The following ENAH variants were observed in gnomAD, a reference collection of about 807,000 sequenced individuals.
The protein encoded by ENAH is ENAH actin regulator.
In ENAH, 23 loss-of-function variants were observed where a neutral mutation model predicts 78.7. That is an observed-to-expected ratio of 0.29 (90% confidence interval 0.21 to 0.41). The LOEUF is 0.41. ENAH is among the 10% of genes least tolerant of loss of function. The pLI, the probability that ENAH is intolerant of heterozygous loss-of-function variation, is 1.00. For missense variants in ENAH, 544 were observed against 691.0 expected (o/e 0.79, Z 2.39); for synonymous variants, 226 against 241.0 (o/e 0.94, Z 0.58).
At chr1:225,640,727 G>A (rs1247349332) in intron 1 of ENAH, among the ~76,000 whole-genome samples, 1 of 152,046 alleles carries the variant, frequency 6.6e-6, no homozygotes, top group East Asian at 1.9e-4. Flanking sequence ...AGTGTTAAAT[G>A]AGTTAATAAA....
chr1:225,555,519 T>TA (rs1466775361), intron 2 of ENAH, among the ~76,000 whole-genome samples: 2 of 150,720 alleles, frequency 1.3e-5, no homozygotes, highest in Non-Finnish European at 2.9e-5. Flanking sequence ...GAGGCAGAGT[T>TA]AGCAGGGAGC....
chr1:225,587,037 G>C (rs184165821), intron 1 of ENAH, among the ~76,000 whole-genome samples: 2 of 152,142 alleles, frequency 1.3e-5, no homozygotes, highest in African/African-American at 4.8e-5. Flanking sequence ...AGGAAGAGAA[G>C]TGATTTCCCC....
chr1:225,650,139 G>A (rs1443607087), intron 1 of ENAH, among the ~76,000 whole-genome samples: 1 of 152,156 alleles, frequency 6.6e-6, no homozygotes, highest in Non-Finnish European at 1.5e-5. Flanking sequence ...CACTTTTACA[G>A]GTATCTAAGC....
chr1:225,621,933 T>A (rs954678633), intron 1 of ENAH, among the ~76,000 whole-genome samples: 1 of 152,182 alleles, frequency 6.6e-6, no homozygotes, highest in African/African-American at 2.4e-5. Context: ...CTCTCTTTGA[T>A]TCTCTCATAG....
intron 1 of ENAH, among the ~76,000 whole-genome samples, chr1:225,621,177 T>A (rs1437556863): frequency 6.6e-6 from 1 of 152,208 alleles, no homozygotes; most frequent in Non-Finnish European, 1.5e-5. Context: ...GACAATGCTA[T>A]CATCCTATTA....
intron 2 of ENAH, among the ~76,000 whole-genome samples, chr1:225,564,439 C>T (rs529218288): frequency 6.6e-6 from 1 of 151,760 alleles, no homozygotes; most frequent in African/African-American, 2.4e-5. Context: ...CAGGCATGCA[C>T]CACCATGCCC....
chr1:225,505,016 TG>T (rs1558714025), intron 11 of ENAH: 1 of 1,613,004 alleles, frequency 6.2e-7, no homozygotes, highest in Admixed American at 1.7e-5. Context: ...TAGGACCTGT[TG>T]TCAAAAACAA....
chr1:225,595,454 A>G (rs1442530467), intron 1 of ENAH, among the ~76,000 whole-genome samples: 1 of 152,202 alleles, frequency 6.6e-6, no homozygotes, highest in African/African-American at 2.4e-5. Flanking sequence ...GAATACTCTC[A>G]GCTCTCCAAC....
chr1:225,528,156 C>T (rs1460721033), intron 4 of ENAH, among the ~76,000 whole-genome samples: 1 of 152,126 alleles, frequency 6.6e-6, no homozygotes, highest in African/African-American at 2.4e-5. Flanking sequence ...GAGGTTTCTA[C>T]TCTCAAATTA....
chr1:225,552,134 CTTTTTTTTT>C (rs397983036), intron 3 of ENAH, among the ~76,000 whole-genome samples: 1 of 115,966 alleles, frequency 8.6e-6, no homozygotes, highest in East Asian at 2.5e-4. Flanking sequence ...ACTCCTGATT[CTTTTTTTTT>C]TTTTTTTTTT....
chr1:225,599,421 T>A (rs1418721947), intron 1 of ENAH, among the ~76,000 whole-genome samples: 2 of 152,202 alleles, frequency 1.3e-5, no homozygotes, highest in African/African-American at 4.8e-5. Flanking sequence ...ACTGTGATTA[T>A]GTAGGAGAAT....
intron 2 of ENAH, among the ~76,000 whole-genome samples, chr1:225,556,315 C>T (rs929324535): frequency 1.3e-5 from 2 of 152,204 alleles, no homozygotes; most frequent in Non-Finnish European, 2.9e-5. Context: ...TAGTAATTTA[C>T]ATTTCCACAA....
At chr1:225,557,707 G>A (rs990387520) in intron 2 of ENAH, among the ~76,000 whole-genome samples, 1 of 152,162 alleles carries the variant, frequency 6.6e-6, no homozygotes, top group African/African-American at 2.4e-5. Context: ...TGTAATCCCA[G>A]CTACTTGGGA....
intron 1 of ENAH, among the ~76,000 whole-genome samples, chr1:225,615,615 C>T (rs1010525218): frequency 1.4e-4 from 21 of 151,718 alleles, no homozygotes; most frequent in Non-Finnish European, 2.8e-4. Flanking sequence ...TCTGCCCGGC[C>T]GCCCGGCGTC....
chr1:225,629,091 A>G (rs1238439157), intron 1 of ENAH, among the ~76,000 whole-genome samples: 2 of 151,916 alleles, frequency 1.3e-5, no homozygotes, highest in Non-Finnish European at 1.5e-5. Flanking sequence ...CAGCCTGGCC[A>G]ACATGGTAAA....
intron 12 of ENAH, 90 bp downstream of exon 12, chr1:225,500,902 C>T: frequency 8.6e-7 from 1 of 1,163,756 alleles, no homozygotes; most frequent in Non-Finnish European, 1.2e-6. Context: ...TTTCTAAGTA[C>T]ATTCAGGATC....
chr1:225,585,797 TAATA>T (rs2096843218), intron 1 of ENAH, among the ~76,000 whole-genome samples: 1 of 151,090 alleles, frequency 6.6e-6, no homozygotes, highest in Non-Finnish European at 1.5e-5. Context: ...TAAAAAATAA[TAATA>T]AATAAATAAG....
chr1:225,518,567 CTTT>C (rs1228449772), intron 5 of ENAH, among the ~76,000 whole-genome samples: 1 of 152,096 alleles, frequency 6.6e-6, no homozygotes, highest in East Asian at 1.9e-4. Flanking sequence ...CACATTAAGA[CTTT>C]TTAATTAGGC....
At chr1:225,634,429 T>A (rs1659683397) in intron 1 of ENAH, among the ~76,000 whole-genome samples, 1 of 152,156 alleles carries the variant, frequency 6.6e-6, no homozygotes, top group South Asian at 2.1e-4. Flanking sequence ...GGTTGTCTCT[T>A]CTGGGAGAGA....
Sources: allele counts gnomAD v4.1 joint callset (sites outside exome capture counted in the v4.1 genomes callset), GRCh38; gene constraint gnomAD v4.1.1; transcripts MANE v1.5; gene names NCBI Gene and HGNC (gene_info 2026-07-23, HGNC 2026-07-21).